The following PSEN1 variants were observed in gnomAD, a reference collection of about 807,000 sequenced individuals.
The protein encoded by PSEN1 is presenilin 1, also known as presenilin-1.
Under a neutral mutation model 53.5 loss-of-function variants are expected in PSEN1, and 15 were observed. That is an observed-to-expected ratio of 0.28 (90% CI 0.19 to 0.43). The LOEUF (loss-of-function observed/expected upper bound fraction) is 0.43, where lower values mean the gene tolerates loss of function less well. Ranked by LOEUF, PSEN1 falls within the 20% of genes least tolerant of loss-of-function variation. The probability of loss-of-function intolerance (pLI) is 1.00; values close to 1 mark genes in which losing one functional copy is unlikely to be tolerated. For missense variants in PSEN1, 387 were observed against 571.2 expected (o/e 0.68, Z 3.29); for synonymous variants, 208 against 209.8 (o/e 0.99, Z 0.08).
At chr14:73,167,244 G>A (rs1025361054) in intron 3 of PSEN1, among the ~76,000 whole-genome samples, 5 of 152,102 alleles carry the variant, frequency 3.3e-5, no homozygotes, top group African/African-American at 1.2e-4. Flanking sequence ...ACCTACTCCT[G>A]TGATAACGAC....
chr14:73,195,315 A>G (rs1261754467), intron 7 of PSEN1, among the ~76,000 whole-genome samples: 1 of 151,802 alleles, frequency 6.6e-6, no homozygotes, highest in African/African-American at 2.4e-5. Context: ...TGGGACTACA[A>G]GTGCGCACCA....
At chr14:73,180,278 C>T (rs1898171829) in intron 5 of PSEN1, among the ~76,000 whole-genome samples, 1 of 152,194 alleles carries the variant, frequency 6.6e-6, no homozygotes. Context: ...AGCCACCACG[C>T]CCAGCCTTAT....
intron 6 of PSEN1, among the ~76,000 whole-genome samples, chr14:73,187,766 G>A (rs753191324): frequency 1.4e-4 from 21 of 151,792 alleles, no homozygotes; most frequent in Non-Finnish European, 2.4e-4. Context: ...TAAGTGTTCC[G>A]AACATATAAA....
rs371102043 is a variant in PSEN1, at chr14:73,219,328, G to A, written c.*39G>A. On this transcript the variant is annotated 3_prime_UTR_variant, in exon 12 of 12. Transcript: ENST00000324501. ...AGAATCCCATGGATGTTTCTTCTTT[G>A]ACTATAACAAAATCTGGGGAGGACA... 2.5e-6 allele frequency: 4 copies of A among 1,584,604 alleles called. No homozygotes were observed. The highest frequency in any genetic ancestry group is 2.6e-6 in the Non-Finnish European group (3 of 1,155,172).
chr14:73,179,976 C>T (rs1164880535), intron 5 of PSEN1, among the ~76,000 whole-genome samples: 2 of 151,866 alleles, frequency 1.3e-5, no homozygotes, highest in Admixed American at 6.6e-5. Context: ...TTTTATCCAT[C>T]CTTCATTTTA....
At position 73,142,663 on chromosome 14, in the gene PSEN1, C is replaced by G. The variant is rs964918705; in HGVS notation, c.-135-5132C>G. ...AATAAACTTATTGTGAGATTCTGAACATTGCTCCTGTGATAATTTCTGAAG... is the reference window on the plus strand; with the variant it reads ...AATAAACTTATTGTGAGATTCTGAAGATTGCTCCTGTGATAATTTCTGAAG... On this transcript the variant is annotated intron_variant, in intron 1 of 11. Coordinates refer to ENST00000324501, the MANE Select transcript of PSEN1 (RefSeq NM_000021.4). Among the ~76,000 whole-genome samples, 3 of 152,180 alleles carry G rather than the reference C, an allele frequency of 2.0e-5. No homozygotes were observed. In the South Asian group the frequency reaches 6.2e-4, roughly 31 times the overall value.
At chr14:73,151,685 A>T (rs1897228149) in intron 3 of PSEN1, among the ~76,000 whole-genome samples, 1 of 151,646 alleles carries the variant, frequency 6.6e-6, no homozygotes, top group Non-Finnish European at 1.5e-5. Flanking sequence ...CTGCCACCTC[A>T]GCCTCCCAAG....
At position 73,217,725 on chromosome 14, in the gene PSEN1, G is replaced by A. The variant is rs147882990; in HGVS notation, c.1248+481G>A. Among the ~76,000 whole-genome samples the A allele has an allele frequency of 5.9e-3, 900 of 151,916 alleles. 13 individuals are homozygous for A. Among genetic ancestry groups the A allele is most frequent in the African/African-American group, 0.021 (853 of 41,390 alleles). ...CAAGCATCTAGTGAGAGGAGCTGGT[G>A]CCATGCATGACCCCACATAGATCTT... is the stretch of plus-strand genomic sequence containing the variant. On this transcript the variant is annotated intron_variant, in intron 11 of 11. Coordinates refer to ENST00000324501, the MANE Select transcript of PSEN1 (RefSeq NM_000021.4).
At chr14:73,207,194 G>C (rs905527931) in intron 9 of PSEN1, among the ~76,000 whole-genome samples, 4 of 152,024 alleles carry the variant, frequency 2.6e-5, no homozygotes, top group Non-Finnish European at 4.4e-5. Context: ...GGATAAGAGA[G>C]TGAAAGGCCC....
At chr14:73,197,877 C>A in intron 7 of PSEN1, 154 bp from the exon 8 acceptor site, 2 of 614,438 alleles carry the variant, frequency 3.3e-6, no homozygotes, top group South Asian at 3.7e-5. Context: ...CACCAGTTCA[C>A]CTGCCATTTA....
chr14:73,162,179 CAA>C (rs539983327), intron 3 of PSEN1, among the ~76,000 whole-genome samples: 10 of 107,574 alleles, frequency 9.3e-5, no homozygotes, highest in East Asian at 2.7e-4. Flanking sequence ...AACTCCATCT[CAA>C]AAAAAAAAAA....
At chr14:73,190,393 T>C (rs941993837) in intron 6 of PSEN1, among the ~76,000 whole-genome samples, 6 of 149,618 alleles carry the variant, frequency 4.0e-5, no homozygotes, top group African/African-American at 1.5e-4. Context: ...GGAGGCTGAG[T>C]CAGGAGGATC....
intron 9 of PSEN1, among the ~76,000 whole-genome samples, chr14:73,211,539 G>C (rs1019208513): frequency 6.6e-6 from 1 of 152,040 alleles, no homozygotes; most frequent in Non-Finnish European, 1.5e-5. Context: ...TTCACCACCA[G>C]AGTCATGTGG....
chr14:73,214,675 C>T (rs1215829392), intron 10 of PSEN1, among the ~76,000 whole-genome samples: 5 of 152,130 alleles, frequency 3.3e-5, no homozygotes, highest in Admixed American at 1.3e-4. Context: ...ATCTTGAGTA[C>T]TTTGTGCTAA....
In PSEN1 at chr14:73,156,211, C is replaced by T. The variant is rs2139997491; in HGVS notation, c.87+8105C>T. Among the ~76,000 whole-genome samples, 3 of 151,770 alleles carry T rather than the reference C, an allele frequency of 2.0e-5. No homozygotes were observed. In the East Asian group the frequency reaches 5.8e-4, roughly 29 times the overall value. On this transcript the variant is annotated intron_variant, in intron 3 of 11. Transcript: ENST00000324501. ...AGTAAATAATACTAATAGTAATTAACTGGGTGTGGTGGCATGTGCCTATAG... is the reference window on the plus strand; with the variant it reads ...AGTAAATAATACTAATAGTAATTAATTGGGTGTGGTGGCATGTGCCTATAG...
At chr14:73,156,669 G>T (rs1046766107) in intron 3 of PSEN1, among the ~76,000 whole-genome samples, 2 of 144,814 alleles carry the variant, frequency 1.4e-5, no homozygotes, top group South Asian at 2.2e-4. Flanking sequence ...AGTTTTGTTT[G>T]TTTTTTTTTT....
In PSEN1 at chr14:73,196,798, A is replaced by T. The variant is rs537464120; in HGVS notation, c.770-1233A>T. Among the ~76,000 whole-genome samples, 5 of 152,196 alleles carry T rather than the reference A, an allele frequency of 3.3e-5. No individual in the cohort carries two copies. The East Asian group carries it at 7.7e-4, about 23-fold the overall frequency. On this transcript the variant is annotated intron_variant, in intron 7 of 11. Coordinates refer to ENST00000324501, the MANE Select transcript of PSEN1 (RefSeq NM_000021.4). ...CAAGACATGAAATTTTTAAATGTAAATGCATTTAAGTGACAATAATGTGAA... is the reference window on the plus strand; with the variant it reads ...CAAGACATGAAATTTTTAAATGTAATTGCATTTAAGTGACAATAATGTGAA...
intron 5 of PSEN1, among the ~76,000 whole-genome samples, chr14:73,183,850 C>T (rs1263167100): frequency 6.6e-6 from 1 of 151,132 alleles, no homozygotes; most frequent in African/African-American, 2.4e-5. Flanking sequence ...GGCAGAGGGG[C>T]TCCTCACTTC....
chr14:73,207,807 A>T (rs1163092656), intron 9 of PSEN1, among the ~76,000 whole-genome samples: 1 of 152,176 alleles, frequency 6.6e-6, no homozygotes, highest in Non-Finnish European at 1.5e-5. Context: ...CCAGGCATGG[A>T]GCAGCGAGGA....
Sources: allele counts gnomAD v4.1 joint callset (sites outside exome capture counted in the v4.1 genomes callset), GRCh38; gene constraint gnomAD v4.1.1; transcripts MANE v1.5; gene names NCBI Gene and HGNC (gene_info 2026-07-23, HGNC 2026-07-21).